DOCK11: variants seen among roughly 807,000 people sequenced by gnomAD.
DOCK11 encodes dedicator of cytokinesis 11.
In DOCK11, 70 loss-of-function variants were observed where a neutral mutation model predicts 169.1. That is an observed-to-expected ratio of 0.41 (90% confidence interval 0.34 to 0.51). The LOEUF (loss-of-function observed/expected upper bound fraction) is 0.51, where lower values mean the gene tolerates loss of function less well. Ranked by LOEUF, DOCK11 falls within the 20% of genes least tolerant of loss-of-function variation. The pLI is 0.10. For synonymous variants in DOCK11, 529 were observed against 541.3 expected, an observed-to-expected ratio of 0.98 and a Z score of 0.32; for missense variants, 1,166 against 1,538.8, an observed-to-expected ratio of 0.76 and a Z score of 4.05.
At chrX:118,655,015 T>C in intron 44 of DOCK11, 54 bp downstream of exon 44, 1 of 1,084,177 alleles carries the variant, frequency 9.2e-7, no homozygotes, top group Non-Finnish European at 1.3e-6. Context: ...CATAATAGTT[T>C]TTTATCTTTG....
Position 118,648,571 on chromosome X carries a change from A to G in DOCK11, c.4399-374A>G, listed in dbSNP as rs1233694821. Among the ~76,000 whole-genome samples the G allele has an allele frequency of 6.5e-5, 6 of 92,631 alleles. No individual in the cohort carries two copies. The South Asian group carries it at 1.7e-3, about 26-fold the overall frequency. The allele number at this position is 92,631 out of a possible 115,157, so 80.4% of individuals were successfully genotyped here. ...ATAACATAAATTATATATATTATAT[A>G]CATATATATAAATATATAATATATA... On this transcript the variant is annotated intron_variant, in intron 40 of 52. Coordinates refer to ENST00000276202, the MANE Select transcript of DOCK11 (RefSeq NM_144658.4).
chrX:118,497,123 G>T (rs1487606356), intron 1 of DOCK11, among the ~76,000 whole-genome samples: 1 of 112,473 alleles, frequency 8.9e-6, no homozygotes, highest in Non-Finnish European at 1.9e-5. Context: ...TTTGGTTGTT[G>T]TTTTTGTTTG....
chrX:118,542,958 G>T lies in DOCK11; in HGVS notation c.252G>T (p.Val84=). 1 of 1,211,104 alleles carries T rather than the reference G, an allele frequency of 8.3e-7. No individual in the cohort carries two copies. The highest frequency in any genetic ancestry group is 1.7e-5 in the African/African-American group (1 of 57,728). ...TGATAGGTCGTCAACGCAGAACGGT[G>T]CAGTCTACTGTACCAGAAGATGCTG... ...ISVIGRQRRT[V]QSTVPEDAEK... Residue 84 remains valine (V), a synonymous_variant, in exon 3 of 53, where the codon GTG becomes GTT. Transcript: ENST00000276202.
intron 18 of DOCK11, 63 bp downstream of exon 18, chrX:118,588,541 G>T (rs754277805): frequency 2.5e-5 from 22 of 888,994 alleles, no homozygotes; most frequent in Non-Finnish European, 3.4e-5. Context: ...GTACTCAGTA[G>T]TCTTATGCTC....
chrX:118,665,095 G>A (rs897527836), intron 45 of DOCK11, among the ~76,000 whole-genome samples: 10 of 111,530 alleles, frequency 9.0e-5, no homozygotes, highest in Non-Finnish European at 1.1e-4. Flanking sequence ...TAATACTATC[G>A]TGGTCACTTC....
intron 1 of DOCK11, among the ~76,000 whole-genome samples, chrX:118,525,973 T>C (rs1236167822): frequency 8.9e-6 from 1 of 112,182 alleles, no homozygotes; most frequent in Non-Finnish European, 1.9e-5. Context: ...GGCAAAATAG[T>C]GCCTACTTAT....
chrX:118,546,214 A>AAAAG (rs2012275316), intron 6 of DOCK11, 98 bp downstream of exon 6: 1 of 274,175 alleles, frequency 3.6e-6, no homozygotes, highest in African/African-American at 4.7e-5. Flanking sequence ...CCCTAGCAAA[A>AAAAG]AAAAAAAAAA....
intron 28 of DOCK11, among the ~76,000 whole-genome samples, chrX:118,613,691 T>C (rs1183978349): frequency 8.9e-6 from 1 of 112,319 alleles, no homozygotes; most frequent in Non-Finnish European, 1.9e-5. Flanking sequence ...AAGTGAATGA[T>C]GGCTGAGCAT....
At chrX:118,681,271 ATTGAATGTTTC>A (rs2016736892) in intron 50 of DOCK11, 23 bp downstream of exon 50, 1 of 1,126,334 alleles carries the variant, frequency 8.9e-7, no homozygotes, top group South Asian at 2.4e-5. Flanking sequence ...TCCAACATGT[ATTGAATGTTTC>A]TTGATGTTTC....
chrX:118,651,250 A>G (rs1458837282), intron 41 of DOCK11, among the ~76,000 whole-genome samples: 2 of 111,841 alleles, frequency 1.8e-5, no homozygotes, highest in Non-Finnish European at 3.8e-5. Flanking sequence ...CCTAGGCAAC[A>G]TGGCAAAATC....
intron 1 of DOCK11, among the ~76,000 whole-genome samples, chrX:118,539,862 C>G (rs2147342016): frequency 9.2e-6 from 1 of 108,377 alleles, no homozygotes; most frequent in Non-Finnish European, 1.9e-5. Context: ...ACCAGCCTGG[C>G]CAACATGGTG....
intron 12 of DOCK11, among the ~76,000 whole-genome samples, chrX:118,576,376 G>A (rs1460697745): frequency 8.9e-6 from 1 of 111,821 alleles, no homozygotes; most frequent in Non-Finnish European, 1.9e-5. Flanking sequence ...GCCCACGTGG[G>A]ATTTCTGGGT....
Position 118,503,074 on chromosome X carries a change from C to CTTTTTTTTTTTTTTTTTTT in DOCK11, c.102+7017_102+7018insTTTTTTTTTTTTTTTTTTT, listed in dbSNP as rs767017269. Among the ~76,000 whole-genome samples, 3 of 90,789 alleles carry CTTTTTTTTTTTTTTTTTTT rather than the reference C, an allele frequency of 3.3e-5. 1 individual carries two copies. Among genetic ancestry groups the CTTTTTTTTTTTTTTTTTTT allele is most frequent in the Non-Finnish European group, 6.4e-5 (3 of 47,094 alleles). 78.8% of individuals were successfully genotyped at this position (90,789 alleles called of 115,157 possible). On this transcript the variant is annotated intron_variant, in intron 1 of 52. Transcript: ENST00000276202. ...TAGTTCTGGAGAGAGATAACAAAGG[C>CTTTTTTTTTTTTTTTTTTT]TTTTTTTTTTTTTTTTGAAATGGAG...
intron 4 of DOCK11, among the ~76,000 whole-genome samples, chrX:118,544,645 C>CTTTTTTG (rs2012174048): frequency 4.3e-5 from 1 of 23,343 alleles, no homozygotes; most frequent in Non-Finnish European, 7.2e-5. Flanking sequence ...TACACTGTTG[C>CTTTTTTG]TTTTTTTTTT....
intron 1 of DOCK11, among the ~76,000 whole-genome samples, chrX:118,499,521 C>A (rs1210366105): frequency 6.3e-5 from 7 of 111,852 alleles, no homozygotes; most frequent in Non-Finnish European, 1.3e-4. Flanking sequence ...TGTTGACTCC[C>A]CCAACCCGCC....
chrX:118,567,058 G>A lies in DOCK11; in HGVS notation c.951+405G>A, dbSNP rs192199706. On this transcript the variant is annotated intron_variant, in intron 9 of 52. Transcript: ENST00000276202. ...CACATGAAAATCATATTCTCTATATGTAAATATATGTGTATATGAATGATT... is the reference window on the plus strand; with the variant it reads ...CACATGAAAATCATATTCTCTATATATAAATATATGTGTATATGAATGATT... 4.4e-3 allele frequency among the ~76,000 whole-genome samples: 494 copies of A among 112,038 alleles called. 2 individuals carry two copies. Among genetic ancestry groups the A allele is most frequent in the African/African-American group, 0.015 (462 of 30,917 alleles).
chrX:118,596,715 A>G lies in DOCK11; in HGVS notation c.2264-716A>G, dbSNP rs764521145. ...ATGATGAGTTTTCTAATTGAAAGCC[A>G]AAAGGCTCTTTTGGGGAGAACTGTT... On this transcript the variant is annotated intron_variant, in intron 20 of 52. Transcript: ENST00000276202. Among the ~76,000 whole-genome samples the G allele has an allele frequency of 5.4e-5, 6 of 111,906 alleles. No individual in the cohort carries two copies. The South Asian group carries it at 2.2e-3, about 41-fold the overall frequency.
intron 6 of DOCK11, 29 bp from the exon 7 acceptor site, chrX:118,561,354 T>G (rs370987622): frequency 6.1e-6 from 7 of 1,147,065 alleles, no homozygotes; most frequent in African/African-American, 1.8e-5. Flanking sequence ...ATGTAACAAA[T>G]GTATCATTGC....
At chrX:118,525,287 A>G (rs1002294936) in intron 1 of DOCK11, among the ~76,000 whole-genome samples, 25 of 112,130 alleles carry the variant, frequency 2.2e-4, no homozygotes, top group Non-Finnish European at 4.7e-4. Context: ...AATTGTCAAA[A>G]GGTGGAAACA....
Sources: gnomAD v4.1 joint callset for allele counts (sites outside exome capture counted in the v4.1 genomes callset) on GRCh38, gnomAD v4.1.1 for gene constraint, MANE v1.5 for transcripts, NCBI Gene and HGNC (gene_info 2026-07-23, HGNC 2026-07-21) for gene names.